Variants in PDPR observed in about 807,000 individuals in gnomAD.
PDPR encodes the protein pyruvate dehydrogenase phosphatase regulatory subunit, mitochondrial.
PDPR carries 50 observed loss-of-function variants against 102.2 expected under a neutral mutation model. The observed-to-expected ratio is 0.49, with a 90% confidence interval of 0.39 to 0.62. The LOEUF (loss-of-function observed/expected upper bound fraction) is 0.62, where lower values mean the gene tolerates loss of function less well. Among genes scored for constraint, PDPR ranks in the 20% least tolerant of loss-of-function variants. The probability of loss-of-function intolerance (pLI) is 0.00; values close to 1 mark genes in which losing one functional copy is unlikely to be tolerated. For missense variants in PDPR, 625 were observed against 1,098.2 expected (o/e 0.57, Z 6.09); for synonymous variants, 259 against 406.0 (o/e 0.64, Z 4.35).
In PDPR at chr16:70,161,007, G is replaced by A. The variant is rs574940408; in HGVS notation, c.*4128G>A. The A allele has an allele frequency of 2.5e-4, 38 of 152,766 alleles. No individual in the cohort carries two copies. Among genetic ancestry groups the A allele is most frequent in the African/African-American group, 4.8e-4 (20 of 41,606 alleles). The allele number at this position is 152,766 out of a possible 1,614,324, so 9.5% of individuals were successfully genotyped here. ...ATTGGCACTAGAAGACTGGCCTGGC[G>A]GAGGAATTTGCGTTGGCTTGCTTTC... is the stretch of plus-strand genomic sequence containing the variant. On this transcript the variant is annotated 3_prime_UTR_variant, in exon 19 of 19. Transcript: ENST00000288050.
At position 70,156,733 on chromosome 16, in the gene PDPR, G is replaced by A. The variant is rs1402805878; in HGVS notation, c.2494G>A (p.Ala832Thr). 3.7e-6 allele frequency: 6 copies of A among 1,613,990 alleles called. No homozygotes were observed. Among genetic ancestry groups the A allele is most frequent in the Non-Finnish European group, 5.1e-6 (6 of 1,179,920 alleles). ...EDTGEEQVVTADFINRGEYEI... is the reference protein window; with the variant it reads ...EDTGEEQVVTTDFINRGEYEI... ...CACGGGGGAAGAGCAAGTGGTGACA[G>A]CAGATTTCATCAACCGGGGAGAGTA... The change falls in exon 19 of 19, where the codon GCA becomes ACA. Residue 832 changes from alanine to threonine, a missense_variant. By Grantham distance (58) the Ala-to-Thr change is moderately conservative (BLOSUM62 0). Coordinates refer to ENST00000288050, the MANE Select transcript of PDPR (RefSeq NM_017990.5).
chr16:70,135,076 C>T (rs1964976747), intron 9 of PDPR, among the ~76,000 whole-genome samples: 1 of 152,200 alleles, frequency 6.6e-6, no homozygotes, highest in African/African-American at 2.4e-5. Flanking sequence ...ACTAAACAAA[C>T]CTGGCGAGAG....
intron 14 of PDPR, among the ~76,000 whole-genome samples, chr16:70,144,100 C>T (rs1200085483): frequency 1.3e-5 from 2 of 151,970 alleles, no homozygotes; most frequent in Non-Finnish European, 2.9e-5. Context: ...CCACATTGCC[C>T]AGGCTGATCT....
chr16:70,153,659 G>A (rs1966856846), intron 18 of PDPR, 86 bp downstream of exon 18: 2 of 1,347,076 alleles, frequency 1.5e-6, no homozygotes, highest in Admixed American at 5.5e-5. Context: ...TGATGTGACA[G>A]GAAAAGGGGG....
At chr16:70,124,602 T>C (rs1206242606) in intron 3 of PDPR, among the ~76,000 whole-genome samples, 2 of 152,262 alleles carry the variant, frequency 1.3e-5, no homozygotes, top group African/African-American at 2.4e-5. Flanking sequence ...TTTTAAAAGC[T>C]TCCCCGGGGA....
intron 8 of PDPR, chr16:70,131,879 G>A (rs1379283683): frequency 1.7e-5 from 24 of 1,445,260 alleles, no homozygotes; most frequent in East Asian, 3.6e-5. Flanking sequence ...TGGGAGTTAC[G>A]TGGTTTGCTT....
At chr16:70,120,406 T>G in intron 2 of PDPR, 55 bp from the exon 3 acceptor site, 2 of 883,372 alleles carry the variant, frequency 2.3e-6, no homozygotes, top group East Asian at 2.6e-5. Context: ...CCCTTTCTCA[T>G]TAATCCCATG....
intron 3 of PDPR, among the ~76,000 whole-genome samples, chr16:70,121,425 C>T (rs545415393): frequency 6.6e-6 from 1 of 151,626 alleles, no homozygotes; most frequent in African/African-American, 2.4e-5. Flanking sequence ...GGCATGGTGG[C>T]TCACACTTGT....
Position 70,156,478 on chromosome 16 carries a change from A to G in PDPR, c.2239A>G (p.Met747Val), listed in dbSNP as rs769477002. Residue 747 changes from methionine (M) to valine (V), a missense_variant, in exon 19 of 19, where the codon ATG becomes GTG. Met to Val is a conservative substitution (Grantham distance 21, BLOSUM62 1). Transcript: ENST00000288050. ...CGGCGTTTCCTTTCTTTCTTAGGGCATGGATTTCATTGGTCGCGACGCCCT... is the reference window on the plus strand; with the variant it reads ...CGGCGTTTCCTTTCTTTCTTAGGGCGTGGATTTCATTGGTCGCGACGCCCT... ...RESRVKLEKG[M>V]DFIGRDALLQ... 1.2e-6 allele frequency: 2 copies of G among 1,610,548 alleles called. No individual in the cohort carries two copies. The highest frequency in any genetic ancestry group is 1.7e-5 in the Admixed American group (1 of 59,838).
intron 10 of PDPR, among the ~76,000 whole-genome samples, chr16:70,138,550 T>TA (rs1965400619): frequency 6.6e-6 from 1 of 151,982 alleles, no homozygotes; most frequent in African/African-American, 2.4e-5. Flanking sequence ...GACGGGGTCT[T>TA]ACTATGTTGC....
chr16:70,121,221 T>C (rs149298832), intron 3 of PDPR, among the ~76,000 whole-genome samples: 13 of 152,268 alleles, frequency 8.5e-5, no homozygotes, highest in African/African-American at 3.1e-4. Context: ...AGAAATATGC[T>C]CTATAGGCTT....
At chr16:70,131,209 A>T (rs1242407905) in intron 7 of PDPR, 93 bp from the exon 8 acceptor site, 1 of 770,402 alleles carries the variant, frequency 1.3e-6, no homozygotes, top group Non-Finnish European at 2.3e-6. Context: ...AAGAGCACAC[A>T]TAAGCCACTT....
In PDPR at chr16:70,156,501, C is replaced by T. The variant is rs1967217004; in HGVS notation, c.2262C>T (p.Ala754=). Residue 754 remains alanine (A), a synonymous_variant, in exon 19 of 19, where the codon GCC becomes GCT. Coordinates refer to ENST00000288050, the MANE Select transcript of PDPR (RefSeq NM_017990.5). ...EKGMDFIGRD[A]LLQQKQNGVY... is the part of the protein sequence containing the mutation. ...GCATGGATTTCATTGGTCGCGACGCCCTCCTGCAGCAGAAGCAGAATGGAG... is the reference window on the plus strand; with the variant it reads ...GCATGGATTTCATTGGTCGCGACGCTCTCCTGCAGCAGAAGCAGAATGGAG... 1 of 1,613,870 alleles carries T rather than the reference C, an allele frequency of 6.2e-7. No homozygotes were observed. The highest frequency in any genetic ancestry group is 1.1e-5 in the South Asian group (1 of 91,084).
chr16:70,115,009 A>G (rs1194495100), intron 2 of PDPR, 79 bp downstream of exon 2: 1 of 152,004 alleles, frequency 6.6e-6, no homozygotes, highest in Non-Finnish European at 1.5e-5. Context: ...CTCCAAGCCC[A>G]TTTTCCGCAT....
rs1433609122 is a variant in PDPR, at chr16:70,132,151, C to G, written c.848C>G (p.Thr283Ser). Residue 283 changes from threonine (T) to serine (S), a missense_variant and splice_region_variant, in exon 9 of 19, where the codon ACT (threonine) becomes AGT (serine). Thr to Ser is a moderately conservative substitution (Grantham distance 58, BLOSUM62 1). Transcript: ENST00000288050. ...ACTCCATGTCATTTCTCCACCTCAG[C>G]TATTGTGGATGCTGATGGAAGAATT... ...LETPLQSSTP[T>S]IVDADGRIYI... The G allele has an allele frequency of 6.2e-7, 1 of 1,609,770 alleles. No individual in the cohort carries two copies. The highest frequency in any genetic ancestry group is 2.2e-5 in the East Asian group (1 of 44,812).
At chr16:70,144,706 C>T (rs1966070272) in intron 15 of PDPR, among the ~76,000 whole-genome samples, 173 bp downstream of exon 15, 1 of 152,278 alleles carries the variant, frequency 6.6e-6, no homozygotes, top group African/African-American at 2.4e-5. Flanking sequence ...CCTGTAATCC[C>T]AGCACTTTTG....
At chr16:70,126,951 C>G (rs1451328334) in intron 3 of PDPR, among the ~76,000 whole-genome samples, 2 of 152,214 alleles carry the variant, frequency 1.3e-5, no homozygotes, top group Admixed American at 6.5e-5. Flanking sequence ...CTCAAGCGCT[C>G]CTCTGGCCTT....
rs11647186 is a variant in PDPR, at chr16:70,157,320, G to T, written c.*441G>T. 16 of 403,644 alleles carry T rather than the reference G, an allele frequency of 4.0e-5. No individual in the cohort carries two copies. The highest frequency in any genetic ancestry group is 2.8e-4 in the South Asian group (15 of 53,740). The allele number at this position is 403,644 out of a possible 1,614,324, so 25.0% of individuals were successfully genotyped here. ...GCCTATTAGTTCTGGTGGGGTTGCC[G>T]TGTGTCGGATGCAGCCCTGAGGGGC... On this transcript the variant is annotated 3_prime_UTR_variant, in exon 19 of 19. Transcript: ENST00000288050.
chr16:70,136,954 G>T (rs1965205918), intron 10 of PDPR, among the ~76,000 whole-genome samples: 2 of 152,334 alleles, frequency 1.3e-5, no homozygotes, highest in East Asian at 1.9e-4. Context: ...TGTTAGCCAG[G>T]CTGGTCTTGA....
Sources: gnomAD v4.1 joint callset for allele counts (sites outside exome capture counted in the v4.1 genomes callset) on GRCh38, gnomAD v4.1.1 for gene constraint, MANE v1.5 for transcripts, NCBI Gene and HGNC (gene_info 2026-07-23, HGNC 2026-07-21) for gene names.